Variants in ENTREP2 observed in about 807,000 individuals in gnomAD.
The protein encoded by ENTREP2 is protein ENTREP2.
the ENTREP2 span, among the ~76,000 whole-genome samples, chr15:29,155,677 G>A: frequency 6.6e-6 from 1 of 152,194 alleles, no homozygotes; most frequent in African/African-American, 2.4e-5. Context: ...GGACCCTGCT[G>A]TGTTCCCTTT....
chr15:29,174,702 C>CAAAAAA, the ENTREP2 span, among the ~76,000 whole-genome samples: 68 of 115,708 alleles, frequency 5.9e-4, no homozygotes, highest in East Asian at 2.2e-3. Flanking sequence ...CAAAACAAAA[C>CAAAAAA]AAAACAACAA....
chr15:29,198,255 C>T, the ENTREP2 span, among the ~76,000 whole-genome samples: 1 of 152,214 alleles, frequency 6.6e-6, no homozygotes, highest in Admixed American at 6.5e-5. Flanking sequence ...CTCCCTGGAA[C>T]TTCCAATATA....
the ENTREP2 span, among the ~76,000 whole-genome samples, chr15:29,424,784 T>G: frequency 6.6e-6 from 1 of 152,184 alleles, no homozygotes; most frequent in African/African-American, 2.4e-5. Context: ...TTTCTGAAAG[T>G]TGTCTTCTGC....
At chr15:29,608,240 A>G in the ENTREP2 span, among the ~76,000 whole-genome samples, 1 of 152,178 alleles carries the variant, frequency 6.6e-6, no homozygotes, top group Non-Finnish European at 1.5e-5. Flanking sequence ...GTTGACACTC[A>G]GTACTAATCA....
At chr15:29,543,314 A>G in the ENTREP2 span, among the ~76,000 whole-genome samples, 1 of 152,226 alleles carries the variant, frequency 6.6e-6, no homozygotes, top group South Asian at 2.1e-4. Context: ...ACCACTGCAG[A>G]CATAGATGAC....
the ENTREP2 span, among the ~76,000 whole-genome samples, chr15:29,635,884 T>C: frequency 3.2e-4 from 49 of 152,228 alleles, no homozygotes; most frequent in Admixed American, 1.2e-3. Context: ...CTGTCGTCGA[T>C]ACTGGGACCT....
chr15:29,586,748 C>CA, the ENTREP2 span, among the ~76,000 whole-genome samples: 253 of 114,664 alleles, frequency 2.2e-3, 1 homozygote, highest in South Asian at 8.6e-3. Context: ...GATACTGTCT[C>CA]AAAAAAATAA....
the ENTREP2 span, among the ~76,000 whole-genome samples, chr15:29,651,623 G>A: frequency 1.3e-5 from 2 of 152,214 alleles, no homozygotes; most frequent in Non-Finnish European, 2.9e-5. Flanking sequence ...CTGCTCTGCT[G>A]CCTGGCCTCT....
At chr15:29,129,057 G>A in the ENTREP2 span, among the ~76,000 whole-genome samples, 1 of 152,160 alleles carries the variant, frequency 6.6e-6, no homozygotes, top group Non-Finnish European at 1.5e-5. Flanking sequence ...CAAGGCCAAA[G>A]TCTAGTTTTC....
At chr15:29,267,964 T>C in the ENTREP2 span, 1 of 152,306 alleles carries the variant, frequency 6.6e-6, no homozygotes, top group South Asian at 2.1e-4. Context: ...GCTATTGTTT[T>C]ATAAGCCTTT....
At chr15:29,650,498 C>A in the ENTREP2 span, among the ~76,000 whole-genome samples, 3 of 151,976 alleles carry the variant, frequency 2.0e-5, no homozygotes, top group African/African-American at 7.3e-5. Context: ...GAGGCTGAGA[C>A]AGGAGAATCA....
chr15:29,381,713 G>A, the ENTREP2 span: 2 of 1,396,368 alleles, frequency 1.4e-6, no homozygotes, highest in Non-Finnish European at 2.0e-6. Context: ...CCTCCAACCT[G>A]CTCACGCATC....
the ENTREP2 span, among the ~76,000 whole-genome samples, chr15:29,204,521 C>T: frequency 2.0e-5 from 3 of 152,060 alleles, no homozygotes; most frequent in Non-Finnish European, 2.9e-5. Flanking sequence ...GAGCCTGTTT[C>T]GAGGAGGAAG....
chr15:29,261,450 A>C, the ENTREP2 span, among the ~76,000 whole-genome samples: 1 of 152,150 alleles, frequency 6.6e-6, no homozygotes, highest in Non-Finnish European at 1.5e-5. Context: ...AGGCTGTAGC[A>C]GGAGGCTCAC....
At chr15:29,273,914 A>G in the ENTREP2 span, among the ~76,000 whole-genome samples, 1 of 152,094 alleles carries the variant, frequency 6.6e-6, no homozygotes, top group Non-Finnish European at 1.5e-5. Context: ...GAGGTTTTGG[A>G]ACTCAGACTG....
chr15:29,136,408 G>T, the ENTREP2 span: 7 of 1,535,996 alleles, frequency 4.6e-6, no homozygotes, highest in African/African-American at 1.4e-5. Context: ...CGTACGGAGG[G>T]GGGAGCTCAG....
chr15:29,242,349 G>A, the ENTREP2 span, among the ~76,000 whole-genome samples: 3 of 151,410 alleles, frequency 2.0e-5, no homozygotes, highest in Admixed American at 1.3e-4. Context: ...GATTACAGGC[G>A]TGAGCCACTG....
the ENTREP2 span, chr15:29,609,898 A>G: frequency 6.6e-6 from 1 of 150,588 alleles, no homozygotes; most frequent in African/African-American, 2.4e-5. Flanking sequence ...CAATAGTAAT[A>G]AAATTTGTTC....
chr15:29,554,449 G>A, the ENTREP2 span, among the ~76,000 whole-genome samples: 6 of 152,074 alleles, frequency 3.9e-5, no homozygotes, highest in East Asian at 1.9e-4. Flanking sequence ...AAGGAGAGCC[G>A]AAGGGGATTG....
Sources: gnomAD v4.1 joint callset for allele counts (sites outside exome capture counted in the v4.1 genomes callset) on GRCh38, gnomAD v4.1.1 for gene constraint, MANE v1.5 for transcripts, NCBI Gene and HGNC (gene_info 2026-07-23, HGNC 2026-07-21) for gene names.